Variants in NPR3 observed in about 807,000 individuals in gnomAD.
NPR3 encodes atrial natriuretic peptide receptor 3.
Under a neutral mutation model 54.5 loss-of-function variants are expected in NPR3, and 34 were observed. The ratio of observed to expected loss-of-function variants is 0.62; its 90% CI spans 0.47 to 0.83. NPR3 has a LOEUF of 0.83. Ranked by LOEUF, NPR3 falls within the 40% of genes least tolerant of loss-of-function variation. The probability of loss-of-function intolerance (pLI) is 0.00; values close to 1 mark genes in which losing one functional copy is unlikely to be tolerated. For missense variants in NPR3, 674 were observed against 720.8 expected, an observed-to-expected ratio of 0.94 and a Z score of 0.74; for synonymous variants, 289 against 297.1, an observed-to-expected ratio of 0.97 and a Z score of 0.28.
intron 3 of NPR3, among the ~76,000 whole-genome samples, chr5:32,748,214 A>C (rs1740400028): frequency 6.6e-6 from 1 of 152,052 alleles, no homozygotes; most frequent in Non-Finnish European, 1.5e-5. Context: ...TACCATTCTG[A>C]TTATTTATAT....
chr5:32,738,710 C>T (rs945321050), intron 2 of NPR3, among the ~76,000 whole-genome samples, 154 bp from the exon 3 acceptor site: 7 of 152,202 alleles, frequency 4.6e-5, no homozygotes, highest in Non-Finnish European at 1.0e-4. Flanking sequence ...ATGGTCTTGA[C>T]GTTGTCCCAT....
chr5:32,761,439 A>G (rs1448744097), intron 3 of NPR3, among the ~76,000 whole-genome samples: 1 of 152,118 alleles, frequency 6.6e-6, no homozygotes, highest in Non-Finnish European at 1.5e-5. Flanking sequence ...CTGCTATTGG[A>G]CACAGAATAA....
At chr5:32,759,569 C>T (rs567077648) in intron 3 of NPR3, among the ~76,000 whole-genome samples, 4 of 152,292 alleles carry the variant, frequency 2.6e-5, no homozygotes, top group African/African-American at 9.6e-5. Context: ...ATTTGCCAGT[C>T]TGTGTCTTTT....
chr5:32,693,829 A>C (rs1740458988), intron 1 of NPR3, among the ~76,000 whole-genome samples: 1 of 152,218 alleles, frequency 6.6e-6, no homozygotes, highest in African/African-American at 2.4e-5. Context: ...ACATTAGTAC[A>C]TTCTACTCTT....
Position 32,790,205 on chromosome 5 carries a change from G to A in NPR3, c.*3860G>A, listed in dbSNP as rs1050772013. The A allele has an allele frequency of 1.7e-5, 3 of 171,950 alleles. No individual in the cohort carries two copies. The highest frequency in any genetic ancestry group is 3.1e-3 in the Middle Eastern group (1 of 320). 10.7% of individuals were successfully genotyped at this position (171,950 alleles called of 1,614,324 possible). Reference sequence around the variant, plus strand: ...TTCAGAGGGACCAGCTTCTTTTTCAGTTGTCTTTAGAACTCAAGAATAATC... The same window carrying A: ...TTCAGAGGGACCAGCTTCTTTTTCAATTGTCTTTAGAACTCAAGAATAATC... On this transcript the variant is annotated 3_prime_UTR_variant, in exon 8 of 8. Transcript: ENST00000265074.
At chr5:32,713,788 C>A (rs1738395398) in intron 1 of NPR3, among the ~76,000 whole-genome samples, 1 of 152,234 alleles carries the variant, frequency 6.6e-6, no homozygotes, top group South Asian at 2.1e-4. Flanking sequence ...GCTGCTGTCA[C>A]CGCCTTGCCA....
chr5:32,765,737 G>T (rs1291455394), intron 3 of NPR3, among the ~76,000 whole-genome samples: 1 of 152,200 alleles, frequency 6.6e-6, no homozygotes. Context: ...GAAGAAGTTC[G>T]CTGGCTCACA....
intron 4 of NPR3, among the ~76,000 whole-genome samples, chr5:32,778,256 A>G (rs1033597719): frequency 6.6e-6 from 1 of 152,220 alleles, no homozygotes; most frequent in Non-Finnish European, 1.5e-5. Flanking sequence ...TTTAAATGTA[A>G]AGATAATTGA....
At chr5:32,765,524 T>A (rs1225166471) in intron 3 of NPR3, among the ~76,000 whole-genome samples, 1 of 152,094 alleles carries the variant, frequency 6.6e-6, no homozygotes, top group African/African-American at 2.4e-5. Context: ...GTGAGTGCAG[T>A]TTCTGTATTT....
rs145969909 is a variant in NPR3, at chr5:32,726,445, T to C, written c.892+1625T>C. Among the ~76,000 whole-genome samples the C allele has an allele frequency of 2.6e-3, 403 of 152,306 alleles. 1 individual carries two copies. Among genetic ancestry groups the C allele is most frequent in the African/African-American group, 9.4e-3 (392 of 41,564 alleles). On this transcript the variant is annotated intron_variant, in intron 2 of 7. Transcript: ENST00000265074. ...CATGATGGTCTTTTCCCCTCTGTTT[T>C]ACACAAGCAGAGTGGTGCTTTCACT...
At chr5:32,745,984 G>A (rs1209198779) in intron 3 of NPR3, among the ~76,000 whole-genome samples, 2 of 152,118 alleles carry the variant, frequency 1.3e-5, no homozygotes, top group East Asian at 1.9e-4. Flanking sequence ...ATGACTGTGA[G>A]CTCTGGGGGC....
At chr5:32,730,318 G>A (rs545218514) in intron 2 of NPR3, among the ~76,000 whole-genome samples, 1 of 152,120 alleles carries the variant, frequency 6.6e-6, no homozygotes, top group African/African-American at 2.4e-5. Context: ...GAACATAGGG[G>A]AACCTGCTTA....
chr5:32,712,437 C>T lies in NPR3; in HGVS notation c.661C>T (p.His221Tyr). 1.2e-6 allele frequency: 2 copies of T among 1,612,222 alleles called. No homozygotes were observed. The highest frequency in any genetic ancestry group is 1.7e-6 in the Non-Finnish European group (2 of 1,179,376). Residue 221 changes from histidine (H) to tyrosine (Y), a missense_variant, in exon 1 of 8, where the codon CAC becomes TAC. By Grantham distance (83) the His-to-Tyr change is moderately conservative (BLOSUM62 2). Coordinates refer to ENST00000265074, the MANE Select transcript of NPR3 (RefSeq NM_001204375.2). ...CTGCTACTTCACCCTCGAGGGGGTC[C>T]ACGAGGTCTTCCAGGAGGAGGGTTT... ...RNCYFTLEGV[H>Y]EVFQEEGLHT... is the part of the protein sequence containing the mutation.
chr5:32,758,038 G>T (rs1338015949), intron 3 of NPR3, among the ~76,000 whole-genome samples: 1 of 148,296 alleles, frequency 6.7e-6, no homozygotes, highest in Non-Finnish European at 1.5e-5. Flanking sequence ...TCGATGTTCA[G>T]CAGGGATATT....
At chr5:32,710,840 TC>T, upstream of NPR3, 1 of 1,314,630 alleles carries the variant, frequency 7.6e-7, no homozygotes, top group Non-Finnish European at 1.0e-6. Context: ...TCTAGAACCA[TC>T]CCTTTCCCCC....
intron 4 of NPR3, among the ~76,000 whole-genome samples, chr5:32,776,211 A>G (rs1241303847): frequency 1.3e-5 from 2 of 152,266 alleles, no homozygotes; most frequent in Non-Finnish European, 2.9e-5. Flanking sequence ...ATGTCAAGTT[A>G]AAGAATTTTC....
intron 3 of NPR3, among the ~76,000 whole-genome samples, chr5:32,764,659 G>C (rs566666698): frequency 5.3e-5 from 8 of 151,478 alleles, no homozygotes; most frequent in Non-Finnish European, 1.0e-4. Flanking sequence ...GTGGTGGCGG[G>C]TGCCTGTAGT....
intron 1 of NPR3, among the ~76,000 whole-genome samples, chr5:32,712,823 G>T (rs553015416): frequency 2.0e-5 from 3 of 152,214 alleles, no homozygotes; most frequent in Non-Finnish European, 4.4e-5. Context: ...CAAACACTTC[G>T]ATGTTTTTTC....
rs59016543 is a variant in NPR3, at chr5:32,716,002, C to T, written c.769+3457C>T. ...CAGCAGCATTTTTAAGGAAAGAACC[C>T]ATGATAAGTGTAAAATAACTAACAC... On this transcript the variant is annotated intron_variant, in intron 1 of 7. Transcript: ENST00000265074. Among the ~76,000 whole-genome samples, 828 of 152,224 alleles carry T rather than the reference C, an allele frequency of 5.4e-3. 10 individuals are homozygous for T. Among genetic ancestry groups the T allele is most frequent in the African/African-American group, 0.019 (785 of 41,532 alleles).
Sources: gnomAD v4.1 joint callset for allele counts (sites outside exome capture counted in the v4.1 genomes callset) on GRCh38, gnomAD v4.1.1 for gene constraint, MANE v1.5 for transcripts, NCBI Gene and HGNC (gene_info 2026-07-23, HGNC 2026-07-21) for gene names.